The following MAST4 variants were observed in gnomAD, a reference collection of about 807,000 sequenced individuals.
The protein encoded by MAST4 is microtubule-associated serine/threonine-protein kinase 4.
A neutral mutation model predicts 162.7 loss-of-function variants in MAST4; 89 were observed. The ratio of observed to expected loss-of-function variants is 0.55; its 90% CI spans 0.46 to 0.65. The LOEUF (loss-of-function observed/expected upper bound fraction) is 0.65. MAST4 is among the 30% of genes least tolerant of loss of function. The probability of loss-of-function intolerance (pLI) is 0.00; values close to 1 mark genes in which losing one functional copy is unlikely to be tolerated. For synonymous variants in MAST4, 1,479 were observed against 1,361.1 expected, an observed-to-expected ratio of 1.09 and a Z score of -1.91; for missense variants, 3,153 against 3,374.0, an observed-to-expected ratio of 0.93 and a Z score of 1.62.
rs939329168 is a variant in MAST4, at chr5:67,048,985, A to G, written c.675-5419A>G. Among the ~76,000 whole-genome samples, 217 of 106,920 alleles carry G rather than the reference A, an allele frequency of 2.0e-3. 3 individuals are homozygous for G. The highest frequency in any genetic ancestry group is 6.8e-3 in the African/African-American group (154 of 22,732). The allele number at this position is 106,920 out of a possible 152,430, so 70.1% of individuals were successfully genotyped here. ...ATACATATAGCATATATATATATATATGTATATATATATATACACACACAT... is the reference window on the plus strand; with the variant it reads ...ATACATATAGCATATATATATATATGTGTATATATATATATACACACACAT... On this transcript the variant is annotated intron_variant, in intron 4 of 28. Coordinates refer to ENST00000403625, the MANE Select transcript of MAST4 (RefSeq NM_001164664.2).
intron 4 of MAST4, among the ~76,000 whole-genome samples, chr5:67,052,767 T>A (rs1484177653): frequency 1.3e-5 from 2 of 152,168 alleles, no homozygotes; most frequent in East Asian, 1.9e-4. Context: ...ATTTTTATAA[T>A]AACCTGAACT....
intron 10 of MAST4, among the ~76,000 whole-genome samples, chr5:67,107,459 G>T (rs899006497): frequency 1.3e-5 from 2 of 152,340 alleles, no homozygotes; most frequent in East Asian, 3.9e-4. Context: ...GTTTAGCTTT[G>T]CAGATAAAGA....
chr5:66,672,167 A>T (rs541686224), intron 1 of MAST4, among the ~76,000 whole-genome samples: 1 of 152,364 alleles, frequency 6.6e-6, no homozygotes, highest in East Asian at 1.9e-4. Flanking sequence ...ATGGATTTAA[A>T]CACAGACATA....
At chr5:66,965,216 T>C (rs1287756405) in intron 4 of MAST4, among the ~76,000 whole-genome samples, 1 of 149,964 alleles carries the variant, frequency 6.7e-6, no homozygotes, top group Non-Finnish European at 1.5e-5. Flanking sequence ...AGTTTTTTTT[T>C]TTTTTTTGCT....
At chr5:66,843,082 G>C (rs933211782) in intron 3 of MAST4, among the ~76,000 whole-genome samples, 3 of 151,890 alleles carry the variant, frequency 2.0e-5, no homozygotes, top group Admixed American at 6.6e-5. Flanking sequence ...ATCTACCACT[G>C]TCTTTTAAAT....
In MAST4 at chr5:66,737,665, TC is replaced by T. The variant is rs556372654; in HGVS notation, c.364-22042del. Reference sequence around the variant, plus strand: ...GAAGAGGCTGCTTCATCCTTTGAGGTCCTGTGCTTTTATGGAAGGAGCTTTA... The same window carrying T: ...GAAGAGGCTGCTTCATCCTTTGAGGTCTGTGCTTTTATGGAAGGAGCTTTA... On this transcript the variant is annotated intron_variant, in intron 1 of 28. Transcript: ENST00000403625. Among the ~76,000 whole-genome samples the T allele has an allele frequency of 2.5e-3, 385 of 152,284 alleles. 1 individual carries two copies. Among genetic ancestry groups the T allele is most frequent in the African/African-American group, 8.8e-3 (365 of 41,568 alleles).
intron 4 of MAST4, among the ~76,000 whole-genome samples, chr5:66,946,597 A>T (rs1744054527): frequency 6.6e-6 from 1 of 152,166 alleles, no homozygotes; most frequent in African/African-American, 2.4e-5. Flanking sequence ...AAATTGCTAT[A>T]GAAGTGCCTG....
chr5:66,724,361 C>G (rs923220337), intron 1 of MAST4, among the ~76,000 whole-genome samples: 1 of 152,128 alleles, frequency 6.6e-6, no homozygotes, highest in African/African-American at 2.4e-5. Flanking sequence ...AAAACAAGTT[C>G]TAAACTCAAA....
intron 1 of MAST4, among the ~76,000 whole-genome samples, chr5:66,754,964 C>G (rs1580373759): frequency 6.6e-6 from 1 of 152,080 alleles, no homozygotes; most frequent in South Asian, 2.1e-4. Flanking sequence ...CCTGGGGCAT[C>G]CAAGGTCTGG....
intron 4 of MAST4, among the ~76,000 whole-genome samples, chr5:67,025,526 A>T (rs1158923202): frequency 6.6e-6 from 1 of 152,184 alleles, no homozygotes. Context: ...ACTCCAGGTC[A>T]GAAGTTCTCT....
At chr5:67,103,991 G>A (rs1765322139) in intron 9 of MAST4, among the ~76,000 whole-genome samples, 1 of 152,184 alleles carries the variant, frequency 6.6e-6, no homozygotes, top group Admixed American at 6.5e-5. Context: ...TGTACCCTCA[G>A]ATCTGTATTT....
chr5:66,829,691 T>C (rs1434050142), intron 3 of MAST4, among the ~76,000 whole-genome samples: 2 of 136,786 alleles, frequency 1.5e-5, no homozygotes, highest in Non-Finnish European at 3.2e-5. Context: ...TGTTAAACTC[T>C]TATATATTAT....
rs116502365 is a variant in MAST4 at position 66,844,278 on chromosome 5, C to T, written c.642+55484C>T. 6.0e-3 allele frequency among the ~76,000 whole-genome samples: 906 copies of T among 151,476 alleles called. 10 individuals carry two copies. Among genetic ancestry groups the T allele is most frequent in the African/African-American group, 0.021 (866 of 41,200 alleles). On this transcript the variant is annotated intron_variant, in intron 3 of 28. Transcript: ENST00000403625. ...TCCTGGGTTTTCTCAGTTATGGACT[C>T]CTATGACCTTTTCAGCTTTGAAATG...
intron 1 of MAST4, among the ~76,000 whole-genome samples, chr5:66,668,651 G>C (rs754109340): frequency 6.6e-6 from 1 of 152,230 alleles, no homozygotes. Context: ...GTGTTAATTC[G>C]TGTAAAGTGT....
intron 3 of MAST4, among the ~76,000 whole-genome samples, chr5:66,796,551 A>G (rs565994318): frequency 1.3e-5 from 2 of 152,280 alleles, no homozygotes; most frequent in Non-Finnish European, 2.9e-5. Context: ...ACTTCCTGTT[A>G]TCAAAGGTCC....
At chr5:66,692,625 C>G (rs576255566) in intron 1 of MAST4, among the ~76,000 whole-genome samples, 47 of 152,240 alleles carry the variant, frequency 3.1e-4, no homozygotes, top group African/African-American at 1.1e-3. Flanking sequence ...CTCATTAAAT[C>G]ATTTTGCTAG....
chr5:66,754,931 T>C (rs1465188714), intron 1 of MAST4, among the ~76,000 whole-genome samples: 2 of 152,000 alleles, frequency 1.3e-5, no homozygotes. Context: ...AAATGATAAA[T>C]GTAAGGTCCT....
intron 1 of MAST4, among the ~76,000 whole-genome samples, chr5:66,715,547 C>CAT (rs1046223513): frequency 2.1e-4 from 32 of 149,476 alleles, no homozygotes; most frequent in Admixed American, 1.7e-3. Context: ...GGAGGTATAG[C>CAT]ATTAGGAGAT....
intron 4 of MAST4, chr5:66,959,375 G>C (rs1202265154): frequency 2.6e-6 from 2 of 769,710 alleles, no homozygotes; most frequent in African/African-American, 1.7e-5. Context: ...TTTAGCATTT[G>C]TTTGTACTGA....
Sources: gnomAD v4.1 joint callset for allele counts (sites outside exome capture counted in the v4.1 genomes callset) on GRCh38, gnomAD v4.1.1 for gene constraint, MANE v1.5 for transcripts, NCBI Gene and HGNC (gene_info 2026-07-23, HGNC 2026-07-21) for gene names.